PSMD11: variants seen among roughly 807,000 people sequenced by gnomAD.
PSMD11 encodes 26S proteasome non-ATPase regulatory subunit 11.
Under a neutral mutation model 62.3 loss-of-function variants are expected in PSMD11, and 5 were observed. That is an observed-to-expected ratio of 0.08 (90% CI 0.04 to 0.17). The LOEUF is 0.17. PSMD11 is among the 10% of genes least tolerant of loss of function. The probability of loss-of-function intolerance (pLI) is 1.00; values close to 1 mark genes in which losing one functional copy is unlikely to be tolerated. For missense variants in PSMD11, 310 were observed against 512.9 expected, an observed-to-expected ratio of 0.60 and a Z score of 3.82; for synonymous variants, 191 against 191.8, an observed-to-expected ratio of 1.00 and a Z score of 0.03.
intron 6 of PSMD11, among the ~76,000 whole-genome samples, chr17:32,473,469 G>T (rs1908231339): frequency 6.6e-6 from 1 of 151,956 alleles, no homozygotes; most frequent in Non-Finnish European, 1.5e-5. Flanking sequence ...TAGTAGAGAT[G>T]GGATTTGTCC....
At chr17:32,471,948 G>A (rs79180852) in intron 6 of PSMD11, among the ~76,000 whole-genome samples, 170 of 151,618 alleles carry the variant, frequency 1.1e-3, no homozygotes, top group African/African-American at 3.9e-3. Flanking sequence ...AGCTCCCATC[G>A]CTATCATCAG....
chr17:32,444,525 T>TGGC lies in PSMD11; in HGVS notation c.14_16dup (p.Ala5dup), dbSNP rs751886374. The stretch of plus-strand genomic sequence containing the variant: ...CGGGGACGGTGTGAGAGCGGTAAGA[T>TGGC]GGCGGCGGCGGCGGTGGTGGAGTTC... On this transcript the variant is annotated inframe_insertion, in exon 1 of 14. Transcript: ENST00000261712. 26 of 1,595,716 alleles carry TGGC rather than the reference T, an allele frequency of 1.6e-5. No individual in the cohort carries two copies. Among genetic ancestry groups the TGGC allele is most frequent in the East Asian group, 4.6e-5 (2 of 43,810 alleles).
intron 5 of PSMD11, 149 bp downstream of exon 5, chr17:32,464,727 G>A (rs1451805697): frequency 1.1e-5 from 6 of 533,038 alleles, no homozygotes; most frequent in Non-Finnish European, 1.5e-5. Context: ...CATTTGTCAT[G>A]GGAAAATGTC....
intron 7 of PSMD11, 47 bp from the exon 8 acceptor site, chr17:32,474,717 G>C: frequency 6.3e-7 from 1 of 1,586,164 alleles, no homozygotes; most frequent in Non-Finnish European, 8.7e-7. Context: ...CCTTCCTTTA[G>C]AAGCATAACA....
intron 2 of PSMD11, 85 bp from the exon 3 acceptor site, chr17:32,454,410 T>C: frequency 7.0e-7 from 1 of 1,422,574 alleles, no homozygotes; most frequent in Non-Finnish European, 9.7e-7. Flanking sequence ...GTACCGATTT[T>C]TATGACGTTG....
chr17:32,480,327 GT>G, intron 12 of PSMD11, 130 bp downstream of exon 12: 1 of 1,455,580 alleles, frequency 6.9e-7, no homozygotes, highest in Non-Finnish European at 9.6e-7. Context: ...CCTCTTCCCT[GT>G]GATGAGAATG....
rs770299211 is a variant in PSMD11, at chr17:32,473,803, A to G, written c.646A>G (p.Ile216Val). The G allele has an allele frequency of 1.5e-5, 25 of 1,613,166 alleles. No homozygotes were observed. The Admixed American group carries it at 1.7e-4, about 11-fold the overall frequency. Residue 216 changes from isoleucine (I) to valine (V), a missense_variant and splice_region_variant, in exon 7 of 14, where the codon ATT becomes GTT. Coordinates refer to ENST00000261712, the MANE Select transcript of PSMD11 (RefSeq NM_002815.4). ...ATTCCTTTCTTTTCAATGCCCAGGT[A>G]TTATCCATGCAGCAGAAGAGAAGGA... ...LQATLDMQSG[I>V]IHAAEEKDWK... is the part of the protein sequence containing the mutation.
intron 6 of PSMD11, among the ~76,000 whole-genome samples, chr17:32,469,442 C>G (rs970387570): frequency 2.6e-5 from 4 of 152,176 alleles, no homozygotes; most frequent in Admixed American, 1.3e-4. Context: ...TTAGAAAGGT[C>G]GCACGTAGAA....
intron 6 of PSMD11, among the ~76,000 whole-genome samples, chr17:32,470,510 C>T (rs147630542): frequency 0.013 from 1,921 of 152,218 alleles, 13 homozygotes; most frequent in Middle Eastern, 0.02. Context: ...TGGGGTTTCA[C>T]CATGTTGGCC....
chr17:32,457,451 G>C (rs1907684974), intron 3 of PSMD11, among the ~76,000 whole-genome samples: 1 of 152,044 alleles, frequency 6.6e-6, no homozygotes, highest in South Asian at 2.1e-4. Flanking sequence ...TGCCCAGGCT[G>C]GTCTTAAACT....
At chr17:32,468,969 T>C (rs1341693642) in intron 5 of PSMD11, 30 bp from the exon 6 acceptor site, 4 of 1,601,134 alleles carry the variant, frequency 2.5e-6, no homozygotes, top group Non-Finnish European at 3.4e-6. Context: ...AGCTGATGGC[T>C]ATAAAGGAGA....
chr17:32,460,956 G>C (rs914951349), intron 3 of PSMD11, among the ~76,000 whole-genome samples: 1 of 152,066 alleles, frequency 6.6e-6, no homozygotes, highest in African/African-American at 2.4e-5. Context: ...AGGTGAAGAG[G>C]AGGGAAGGAA....
intron 2 of PSMD11, among the ~76,000 whole-genome samples, chr17:32,448,038 G>A (rs1210747451): frequency 6.6e-6 from 1 of 151,782 alleles, no homozygotes; most frequent in Non-Finnish European, 1.5e-5. Flanking sequence ...GCGCCACCAA[G>A]CCTGGCTAAT....
chr17:32,449,493 T>C (rs954892617), intron 2 of PSMD11, among the ~76,000 whole-genome samples: 5 of 152,208 alleles, frequency 3.3e-5, no homozygotes, highest in Admixed American at 2.6e-4. Context: ...ATATAGTCAA[T>C]ACTTAAGTAA....
chr17:32,481,871 C>T lies in PSMD11; in HGVS notation c.*1119C>T, dbSNP rs1289019314. The stretch of plus-strand genomic sequence containing the variant: ...AACCTCATGTCCCCTTCCCAGGGAG[C>T]TTTTTAATTTACCTCTTAGAACTCA... On this transcript the variant is annotated 3_prime_UTR_variant, in exon 14 of 14. Coordinates refer to ENST00000261712, the MANE Select transcript of PSMD11 (RefSeq NM_002815.4). The T allele has an allele frequency of 2.0e-5, 3 of 151,906 alleles. No individual in the cohort carries two copies. Among genetic ancestry groups the T allele is most frequent in the Non-Finnish European group, 2.9e-5 (2 of 67,994 alleles). 9.4% of individuals were successfully genotyped at this position (151,906 alleles called of 1,614,324 possible). A position where few individuals can be genotyped will look rare whatever the true frequency, so the allele number is the denominator to read the frequency against.
rs1908089919 is a variant in PSMD11 at position 32,469,303 on chromosome 17, A to G, written c.643+110A>G. On this transcript the variant is annotated intron_variant, in intron 6 of 13. Coordinates refer to ENST00000261712, the MANE Select transcript of PSMD11 (RefSeq NM_002815.4). Reference sequence around the variant, plus strand: ...GAATAAAATTGGCTGATTTGGCTCTAGCTTCTTCAGAGAACCAGTTAGAAA... The same window carrying G: ...GAATAAAATTGGCTGATTTGGCTCTGGCTTCTTCAGAGAACCAGTTAGAAA... The G allele has an allele frequency of 2.6e-6, 3 of 1,164,336 alleles. No individual in the cohort carries two copies. The Admixed American group carries it at 8.3e-5, about 32-fold the overall frequency. 72.1% of individuals were successfully genotyped at this position (1,164,336 alleles called of 1,614,324 possible). A position where few individuals can be genotyped will look rare whatever the true frequency, so the allele number is the denominator to read the frequency against.
Position 32,481,884 on chromosome 17 carries a change from C to T in PSMD11, c.*1132C>T, listed in dbSNP as rs914085848. On this transcript the variant is annotated 3_prime_UTR_variant, in exon 14 of 14. Coordinates refer to ENST00000261712, the MANE Select transcript of PSMD11 (RefSeq NM_002815.4). ...CTTCCCAGGGAGCTTTTTAATTTAC[C>T]TCTTAGAACTCAAGTGGATGGGAAG... The T allele has an allele frequency of 6.6e-6, 1 of 151,822 alleles. No individual in the cohort carries two copies. Among genetic ancestry groups the T allele is most frequent in the Non-Finnish European group, 1.5e-5 (1 of 67,988 alleles). 9.4% of individuals were successfully genotyped at this position (151,822 alleles called of 1,614,324 possible). A position where few individuals can be genotyped will look rare whatever the true frequency, so the allele number is the denominator to read the frequency against.
At chr17:32,460,075 T>C (rs1907778172) in intron 3 of PSMD11, among the ~76,000 whole-genome samples, 1 of 152,158 alleles carries the variant, frequency 6.6e-6, no homozygotes, top group Non-Finnish European at 1.5e-5. Flanking sequence ...TTTTATTTAT[T>C]TGAAATGGGG....
At chr17:32,447,165 G>A in intron 2 of PSMD11, 119 bp downstream of exon 2, 2 of 739,552 alleles carry the variant, frequency 2.7e-6, no homozygotes, top group Non-Finnish European at 4.1e-6. Context: ...TTGGCAACTT[G>A]TTGAGCTTCA....
Sources: allele counts gnomAD v4.1 joint callset (sites outside exome capture counted in the v4.1 genomes callset), GRCh38; gene constraint gnomAD v4.1.1; transcripts MANE v1.5; gene names NCBI Gene and HGNC (gene_info 2026-07-23, HGNC 2026-07-21).